The following FLI1 variants were observed in gnomAD, a reference collection of about 807,000 sequenced individuals.
The protein encoded by FLI1 is Friend leukemia integration 1 transcription factor.
FLI1 carries 13 observed loss-of-function variants against 53.1 expected under a neutral mutation model. That is an observed-to-expected ratio of 0.24 (90% CI 0.16 to 0.39). The LOEUF is 0.39. Among genes scored for constraint, FLI1 ranks in the 10% least tolerant of loss-of-function variants. The probability of loss-of-function intolerance (pLI) is 1.00; values close to 1 mark genes in which losing one functional copy is unlikely to be tolerated. For missense variants in FLI1, 424 were observed against 600.5 expected, an observed-to-expected ratio of 0.71 and a Z score of 3.07; for synonymous variants, 244 against 236.7, an observed-to-expected ratio of 1.03 and a Z score of -0.28.
intron 1 of FLI1, among the ~76,000 whole-genome samples, chr11:128,713,689 C>G (rs775484692): frequency 6.6e-6 from 1 of 151,866 alleles, no homozygotes. Flanking sequence ...GTATGGGGTG[C>G]CTCGGGAGGG....
upstream of FLI1, chr11:128,686,209 AAGAAAGGGGAGTCC>A: frequency 2.6e-6 from 1 of 379,264 alleles, no homozygotes; most frequent in Non-Finnish European, 5.3e-6. Context: ...CTCAGCCTGC[AAGAAAGGGGAGTCC>A]TACCTCTGTC....
At chr11:128,780,892 G>A (rs1486433741) in intron 4 of FLI1, among the ~76,000 whole-genome samples, 3 of 152,336 alleles carry the variant, frequency 2.0e-5, no homozygotes, top group African/African-American at 7.2e-5. Context: ...GCAGATCCCA[G>A]CCCTCGTTTC....
intron 5 of FLI1, among the ~76,000 whole-genome samples, chr11:128,787,289 GTAT>G (rs1942117919): frequency 6.6e-6 from 1 of 152,156 alleles, no homozygotes; most frequent in South Asian, 2.1e-4. Flanking sequence ...AAGGCTGGTA[GTAT>G]TATTATCCCC....
At chr11:128,763,316 A>G (rs930440208) in intron 2 of FLI1, among the ~76,000 whole-genome samples, 4 of 152,046 alleles carry the variant, frequency 2.6e-5, no homozygotes, top group Non-Finnish European at 5.9e-5. Flanking sequence ...CTTTCTTCAT[A>G]TCTTCCTGTT....
chr11:128,750,530 C>T (rs758358815), intron 1 of FLI1, among the ~76,000 whole-genome samples: 8 of 152,232 alleles, frequency 5.3e-5, no homozygotes, highest in Non-Finnish European at 1.2e-4. Context: ...AGGATAATGG[C>T]AGAAATTTCT....
chr11:128,763,160 G>C (rs144699559), intron 2 of FLI1, among the ~76,000 whole-genome samples: 1 of 152,090 alleles, frequency 6.6e-6, no homozygotes, highest in African/African-American at 2.4e-5. Context: ...GGAGGTGTGC[G>C]GTGCACCTGA....
chr11:128,739,941 C>T (rs1046827205), intron 1 of FLI1, among the ~76,000 whole-genome samples: 16 of 152,274 alleles, frequency 1.1e-4, no homozygotes, highest in East Asian at 3.9e-4. Context: ...CAAAGGGCCA[C>T]GTCTGAGCCG....
At chr11:128,701,746 C>T (rs1488591858) in intron 1 of FLI1, among the ~76,000 whole-genome samples, 1 of 152,194 alleles carries the variant, frequency 6.6e-6, no homozygotes, top group Non-Finnish European at 1.5e-5. Context: ...CCCATTTACC[C>T]AGCCAGTGCT....
At chr11:128,724,726 G>T (rs1249436247) in intron 1 of FLI1, among the ~76,000 whole-genome samples, 1 of 152,174 alleles carries the variant, frequency 6.6e-6, no homozygotes, top group East Asian at 1.9e-4. Context: ...GGATCTAAAT[G>T]GGTGCATGGT....
At chr11:128,740,757 G>C (rs1940098900) in intron 1 of FLI1, among the ~76,000 whole-genome samples, 1 of 152,148 alleles carries the variant, frequency 6.6e-6, no homozygotes, top group Admixed American at 6.5e-5. Flanking sequence ...AGTATTATAG[G>C]GTCCTCCCTT....
At chr11:128,782,556 G>A (rs1279116266) in intron 5 of FLI1, among the ~76,000 whole-genome samples, 1 of 152,156 alleles carries the variant, frequency 6.6e-6, no homozygotes, top group East Asian at 1.9e-4. Context: ...AAATTAGCCA[G>A]GTGTGGTGGC....
chr11:128,781,856 T>A, intron 4 of FLI1, 102 bp from the exon 5 acceptor site: 1 of 905,200 alleles, frequency 1.1e-6, no homozygotes, highest in Non-Finnish European at 1.9e-6. Context: ...CCTCTTCCCC[T>A]CTCCCCATCT....
chr11:128,687,960 G>A (rs1937608142), intron 1 of FLI1, among the ~76,000 whole-genome samples: 2 of 152,328 alleles, frequency 1.3e-5, no homozygotes, highest in African/African-American at 4.8e-5. Flanking sequence ...GGAGGTTACA[G>A]AGCATACTTT....
At chr11:128,807,703 G>A (rs929609430) in intron 7 of FLI1, among the ~76,000 whole-genome samples, 3 of 152,180 alleles carry the variant, frequency 2.0e-5, no homozygotes, top group South Asian at 2.1e-4. Context: ...TGGAGACTCC[G>A]TATTGGAGAG....
upstream of FLI1, among the ~76,000 whole-genome samples, chr11:128,685,331 G>C (rs964633804): frequency 1.3e-5 from 2 of 152,336 alleles, no homozygotes; most frequent in Non-Finnish European, 2.9e-5. Context: ...GGAGCTGCCC[G>C]GAGTTCCGCT....
chr11:128,789,416 G>A (rs1331704931), intron 5 of FLI1, among the ~76,000 whole-genome samples: 1 of 152,196 alleles, frequency 6.6e-6, no homozygotes, highest in Admixed American at 6.5e-5. Context: ...GGGCGGAGTA[G>A]GTGGGCATGG....
chr11:128,745,122 T>A (rs959450517), intron 1 of FLI1, among the ~76,000 whole-genome samples: 1 of 151,924 alleles, frequency 6.6e-6, no homozygotes, highest in Non-Finnish European at 1.5e-5. Context: ...AGGTTAAGAG[T>A]GCAGGCGAGA....
intron 1 of FLI1, among the ~76,000 whole-genome samples, chr11:128,695,025 A>C (rs1382385154): frequency 6.7e-6 from 1 of 150,008 alleles, no homozygotes; most frequent in African/African-American, 2.5e-5. Flanking sequence ...CTTCGCGCCT[A>C]GGCGTGCGCC....
At chr11:128,723,096 C>T (rs1013503088) in intron 1 of FLI1, among the ~76,000 whole-genome samples, 11 of 152,150 alleles carry the variant, frequency 7.2e-5, no homozygotes, top group African/African-American at 1.9e-4. Flanking sequence ...GTACTAATCC[C>T]GCTCTGAAGG....
Sources: allele counts gnomAD v4.1 joint callset (sites outside exome capture counted in the v4.1 genomes callset), GRCh38; gene constraint gnomAD v4.1.1; transcripts MANE v1.5; gene names NCBI Gene and HGNC (gene_info 2026-07-23, HGNC 2026-07-21).